NUDT7: variants seen among roughly 807,000 people sequenced by gnomAD.
The protein encoded by NUDT7 is nudix hydrolase 7, also known as peroxisomal coenzyme A diphosphatase NUDT7.
A neutral mutation model predicts 13.1 loss-of-function variants in NUDT7; 19 were observed. That is an observed-to-expected ratio of 1.45 (90% CI 1.01 to 2.13). NUDT7 has a LOEUF of 2.13. Among genes scored for constraint, NUDT7 ranks in the 30% most tolerant of loss-of-function variants. The pLI is 0.00. For missense variants in NUDT7, 360 were observed against 291.7 expected, an observed-to-expected ratio of 1.23 and a Z score of -1.71; for synonymous variants, 132 against 109.7, an observed-to-expected ratio of 1.20 and a Z score of -1.27.
intron 1 of NUDT7, 35 bp downstream of exon 1, chr16:77,722,652 G>A (rs372796214): frequency 7.1e-5 from 112 of 1,570,190 alleles, no homozygotes; most frequent in Middle Eastern, 1.7e-4. Context: ...CCCCGAGCTT[G>A]GTCAGGCCCG....
intron 2 of NUDT7, among the ~76,000 whole-genome samples, chr16:77,726,914 C>T (rs1278809688): frequency 6.6e-6 from 1 of 151,968 alleles, no homozygotes; most frequent in Non-Finnish European, 1.5e-5. Context: ...GGCATCTGCT[C>T]AGTTTCTGGA....
At position 77,741,581 on chromosome 16, in the gene NUDT7, G is replaced by T; in HGVS notation, c.349-1G>T. The T allele has an allele frequency of 6.3e-7, 1 of 1,596,588 alleles. No homozygotes were observed. Among genetic ancestry groups the T allele is most frequent in the Non-Finnish European group, 8.5e-7 (1 of 1,174,340 alleles). On this transcript the variant is annotated splice_acceptor_variant, in intron 3 of 3. Transcript: ENST00000268533. LOFTEE classifies it high-confidence loss of function. The stretch of plus-strand genomic sequence containing the variant: ...TTGTCTGTTTTGTTTTCTGCTTTTA[G>T]ACAGATACATTGATAACTCCATTTG...
At chr16:77,728,812 C>T (rs1014694776) in intron 2 of NUDT7, among the ~76,000 whole-genome samples, 12 of 152,228 alleles carry the variant, frequency 7.9e-5, no homozygotes, top group African/African-American at 2.9e-4. Context: ...CCATTGCACA[C>T]CTGGGCACAG....
At chr16:77,734,353 G>GATTA (rs2014410491) in intron 2 of NUDT7, among the ~76,000 whole-genome samples, 1 of 152,178 alleles carries the variant, frequency 6.6e-6, no homozygotes, top group South Asian at 2.1e-4. Flanking sequence ...GCTGGGTGCG[G>GATTA]TGGCTCACGC....
intron 3 of NUDT7, chr16:77,736,235 G>C (rs1160726854): frequency 2.3e-6 from 1 of 437,494 alleles, no homozygotes; most frequent in Non-Finnish European, 4.1e-6. Context: ...TTTCAAACTG[G>C]ATGCCATAGA....
At chr16:77,731,891 G>A (rs1229169071) in intron 2 of NUDT7, among the ~76,000 whole-genome samples, 1 of 152,016 alleles carries the variant, frequency 6.6e-6, no homozygotes, top group Non-Finnish European at 1.5e-5. Flanking sequence ...TCTAGAATAA[G>A]GATATAATGA....
At chr16:77,727,705 A>C (rs1235651900) in intron 2 of NUDT7, among the ~76,000 whole-genome samples, 1 of 152,090 alleles carries the variant, frequency 6.6e-6, no homozygotes, top group African/African-American at 2.4e-5. Flanking sequence ...AAATACAAAA[A>C]ATTAGCCAGG....
chr16:77,739,905 A>G (rs1243884605), intron 3 of NUDT7, among the ~76,000 whole-genome samples: 1 of 152,102 alleles, frequency 6.6e-6, no homozygotes, highest in East Asian at 1.9e-4. Flanking sequence ...GACAAACTGC[A>G]TATTAATTTA....
Position 77,739,297 on chromosome 16 carries a change from G to GTTA in NUDT7, c.349-2282_349-2280dup, listed in dbSNP as rs375519644. Among the ~76,000 whole-genome samples the GTTA allele has an allele frequency of 1.1e-3, 174 of 152,304 alleles. 2 individuals are homozygous for GTTA. The highest frequency in any genetic ancestry group is 4.0e-3 in the African/African-American group (165 of 41,576). On this transcript the variant is annotated intron_variant, in intron 3 of 3. Transcript: ENST00000268533. The stretch of plus-strand genomic sequence containing the variant: ...GTGCTGCTGGTTGGCCATTTTTATG[G>GTTA]TTATTTCTTGATCATATGCTAAACA...
In NUDT7 at chr16:77,741,744, A is replaced by C; in HGVS notation, c.511A>C (p.Ile171Leu). The C allele has an allele frequency of 6.2e-7, 1 of 1,614,120 alleles. No homozygotes were observed. Among genetic ancestry groups the C allele is most frequent in the South Asian group, 1.1e-5 (1 of 91,074 alleles). Residue 171 changes from isoleucine to leucine, a missense_variant, in exon 4 of 4, where the codon ATT becomes CTT. Coordinates refer to ENST00000268533, the MANE Select transcript of NUDT7 (RefSeq NM_001105663.3). ...CGTCACACGTCTTGGTCACCGTTTTATTAATCATATCTTTGAGTACACAAA... is the reference window on the plus strand; with the variant it reads ...CGTCACACGTCTTGGTCACCGTTTTCTTAATCATATCTTTGAGTACACAAA... ...HYVTRLGHRF[I>L]NHIFEYTNPE...
At chr16:77,731,490 C>T (rs1458676751) in intron 2 of NUDT7, among the ~76,000 whole-genome samples, 2 of 152,172 alleles carry the variant, frequency 1.3e-5, no homozygotes, top group Non-Finnish European at 2.9e-5. Context: ...AACAAACCTA[C>T]TGTGTTGCCA....
At chr16:77,739,380 A>C (rs146176994) in intron 3 of NUDT7, among the ~76,000 whole-genome samples, 3 of 152,284 alleles carry the variant, frequency 2.0e-5, no homozygotes. Flanking sequence ...CAGAGGTGAG[A>C]GTTCCTCCCA....
intron 2 of NUDT7, among the ~76,000 whole-genome samples, chr16:77,728,757 C>T (rs1380441504): frequency 6.6e-6 from 1 of 152,174 alleles, no homozygotes; most frequent in Non-Finnish European, 1.5e-5. Flanking sequence ...CCTCTCAGAA[C>T]CCTAGATCCC....
intron 3 of NUDT7, chr16:77,736,336 G>A (rs13330636): frequency 5.2e-6 from 1 of 193,416 alleles, no homozygotes; most frequent in Non-Finnish European, 1.1e-5. Context: ...GTTGAAAAAA[G>A]AACAGACACT....
At chr16:77,736,656 G>T in intron 3 of NUDT7, 1 of 269,198 alleles carries the variant, frequency 3.7e-6, no homozygotes, top group Non-Finnish European at 8.0e-6. Flanking sequence ...ATAGAGATGG[G>T]GGTCTCGCTA....
chr16:77,738,976 A>G (rs1330225212), intron 3 of NUDT7, among the ~76,000 whole-genome samples: 2 of 152,202 alleles, frequency 1.3e-5, no homozygotes, highest in Admixed American at 1.3e-4. Context: ...AGATTGTTGT[A>G]AGGAATCAGA....
chr16:77,728,497 A>G (rs1200052446), intron 2 of NUDT7, among the ~76,000 whole-genome samples: 1 of 152,166 alleles, frequency 6.6e-6, no homozygotes, highest in African/African-American at 2.4e-5. Context: ...TTGGCCTCCC[A>G]AAGTGCTGAG....
intron 1 of NUDT7, among the ~76,000 whole-genome samples, chr16:77,722,955 A>G (rs575753511): frequency 1.2e-3 from 179 of 152,288 alleles, no homozygotes; most frequent in African/African-American, 4.2e-3. Flanking sequence ...CCCGGATTCA[A>G]GTCCCCCGGT....
At chr16:77,730,206 A>C (rs527465115) in intron 2 of NUDT7, among the ~76,000 whole-genome samples, 4 of 152,180 alleles carry the variant, frequency 2.6e-5, no homozygotes, top group Non-Finnish European at 5.9e-5. Context: ...ACCATAGTAT[A>C]CAATACATCT....
Sources: allele counts gnomAD v4.1 joint callset (sites outside exome capture counted in the v4.1 genomes callset), GRCh38; gene constraint gnomAD v4.1.1; transcripts MANE v1.5; gene names NCBI Gene and HGNC (gene_info 2026-07-23, HGNC 2026-07-21).